The following NCAM1 variants were observed in gnomAD, a reference collection of about 807,000 sequenced individuals.
NCAM1 encodes the protein antigen recognized by monoclonal antibody 5.1H11.
Under a neutral mutation model 109.8 loss-of-function variants are expected in NCAM1, and 14 were observed. The ratio of observed to expected loss-of-function variants is 0.13; its 90% CI spans 0.08 to 0.20. NCAM1 has a LOEUF of 0.20. NCAM1 is among the 10% of genes least tolerant of loss of function. NCAM1 has a pLI of 1.00. For missense variants in NCAM1, 774 were observed against 1,109.9 expected (o/e 0.70, Z 4.30); for synonymous variants, 418 against 442.9 (o/e 0.94, Z 0.70).
At chr11:113,221,149 A>G (rs117460992) in intron 8 of NCAM1, 147 bp from the exon 9 acceptor site, 1 of 719,722 alleles carries the variant, frequency 1.4e-6, no homozygotes, top group Non-Finnish European at 2.3e-6. Context: ...TGTGTAATAA[A>G]CACACCATTG....
At chr11:113,226,747 G>A (rs551445562) in intron 9 of NCAM1, among the ~76,000 whole-genome samples, 187 of 152,188 alleles carry the variant, frequency 1.2e-3, no homozygotes, top group South Asian at 2.5e-3. Context: ...ACCACAGTGC[G>A]ATCAAACTAG....
chr11:113,164,840 A>C (rs1304140061), intron 1 of NCAM1, among the ~76,000 whole-genome samples: 2 of 151,782 alleles, frequency 1.3e-5, no homozygotes, highest in Non-Finnish European at 2.9e-5. Context: ...CAATCCTTCC[A>C]CCCTTCTCAA....
Position 113,264,169 on chromosome 11 carries a change from ATTCTAC to A in NCAM1, c.2131+3847_2131+3852del, listed in dbSNP as rs1555123966. The A allele has an allele frequency of 5.1e-6, 5 of 985,104 alleles. No individual in the cohort carries two copies. In the African/African-American group the frequency reaches 8.7e-5, roughly 17 times the overall value. 61.0% of individuals were successfully genotyped at this position (985,104 alleles called of 1,614,324 possible). On this transcript the variant is annotated intron_variant, in intron 17 of 19. Transcript: ENST00000316851. Reference sequence around the variant, plus strand: ...CCTCCCCCCATTGTGGTCACATATCATTCTACATATCTCATCTCTGAGCATCTCCAT... The same window carrying A: ...CCTCCCCCCATTGTGGTCACATATCAATATCTCATCTCTGAGCATCTCCAT...
chr11:113,056,008 T>TATAG (rs1953695355), intron 1 of NCAM1, among the ~76,000 whole-genome samples: 1 of 120,066 alleles, frequency 8.3e-6, no homozygotes, highest in Non-Finnish European at 1.7e-5. Flanking sequence ...TATATATATA[T>TATAG]ATATATATAT....
intron 17 of NCAM1, chr11:113,269,552 G>C (rs1318229497): frequency 6.5e-6 from 1 of 153,528 alleles, no homozygotes; most frequent in Non-Finnish European, 1.4e-5. Flanking sequence ...CCATGTCTCT[G>C]GAGTCACCCA....
chr11:113,197,284 TG>T, intron 1 of NCAM1: 1 of 175,298 alleles, frequency 5.7e-6, no homozygotes, highest in Non-Finnish European at 1.3e-5. Flanking sequence ...CTTATGCTCC[TG>T]GTCTCAGTAT....
intron 1 of NCAM1, among the ~76,000 whole-genome samples, chr11:112,997,885 T>C (rs371185161): frequency 2.0e-5 from 3 of 152,214 alleles, no homozygotes; most frequent in African/African-American, 7.2e-5. Flanking sequence ...TCTCTTCTTA[T>C]GAAAGCCTAA....
chr11:113,236,028 A>C (rs1305446948), intron 14 of NCAM1, among the ~76,000 whole-genome samples: 1 of 152,134 alleles, frequency 6.6e-6, no homozygotes, highest in African/African-American at 2.4e-5. Flanking sequence ...TTTAAAATGC[A>C]CCTGGGAGAA....
At chr11:113,049,729 C>G (rs782193458) in intron 1 of NCAM1, among the ~76,000 whole-genome samples, 19 of 152,152 alleles carry the variant, frequency 1.2e-4, no homozygotes, top group Non-Finnish European at 2.2e-4. Context: ...TAACAGAAGG[C>G]CCCCCAACCT....
intron 1 of NCAM1, among the ~76,000 whole-genome samples, chr11:113,078,061 C>T (rs552696806): frequency 1.3e-5 from 2 of 152,282 alleles, no homozygotes; most frequent in African/African-American, 4.8e-5. Flanking sequence ...TTAGTACGAT[C>T]TTGGTGGCTT....
intron 1 of NCAM1, among the ~76,000 whole-genome samples, chr11:113,062,581 TG>T (rs1296662050): frequency 1.3e-5 from 2 of 151,552 alleles, no homozygotes; most frequent in African/African-American, 4.9e-5. Flanking sequence ...CATCAAAGAG[TG>T]TGCCAAGCAG....
Position 113,255,862 on chromosome 11 carries a change from A to T in NCAM1, c.1829-15A>T. ...TGTGGATGAGAATTTCATGTGAATTAACTGGCTGTTTCAGGGGAACCCAGT... is the reference window on the plus strand; with the variant it reads ...TGTGGATGAGAATTTCATGTGAATTTACTGGCTGTTTCAGGGGAACCCAGT... On this transcript the variant is annotated splice_polypyrimidine_tract_variant and intron_variant, in intron 15 of 19. Coordinates refer to ENST00000316851, the MANE Select transcript of NCAM1 (RefSeq NM_181351.5). The T allele has an allele frequency of 1.2e-6, 2 of 1,612,064 alleles. No individual in the cohort carries two copies.
At chr11:113,064,810 T>C (rs1168774736) in intron 1 of NCAM1, among the ~76,000 whole-genome samples, 2 of 152,240 alleles carry the variant, frequency 1.3e-5, no homozygotes, top group Non-Finnish European at 2.9e-5. Flanking sequence ...AACTTAAAGG[T>C]GTTAATTTTT....
intron 1 of NCAM1, among the ~76,000 whole-genome samples, chr11:113,061,029 G>C (rs889068430): frequency 6.6e-6 from 1 of 152,074 alleles, no homozygotes; most frequent in Non-Finnish European, 1.5e-5. Context: ...TTATGTATCT[G>C]GCATAACTTG....
intron 1 of NCAM1, among the ~76,000 whole-genome samples, chr11:113,084,737 T>A (rs1938999721): frequency 2.0e-5 from 3 of 152,224 alleles, no homozygotes; most frequent in African/African-American, 7.2e-5. Flanking sequence ...GCATTGTGGC[T>A]GAGAGCATGG....
At chr11:113,133,496 T>A (rs1390088239) in intron 1 of NCAM1, 1 of 152,224 alleles carries the variant, frequency 6.6e-6, no homozygotes, top group Non-Finnish European at 1.5e-5. Context: ...CACCAACTTA[T>A]ATAACATGCA....
intron 1 of NCAM1, among the ~76,000 whole-genome samples, chr11:113,154,287 A>G (rs1942336453): frequency 6.6e-6 from 1 of 152,210 alleles, no homozygotes. Context: ...GTTAAGAGAA[A>G]TAAGAATTTT....
chr11:113,012,743 T>C (rs1555074712), intron 1 of NCAM1, among the ~76,000 whole-genome samples: 2 of 152,138 alleles, frequency 1.3e-5, no homozygotes, highest in Non-Finnish European at 2.9e-5. Flanking sequence ...AGTCATTGAG[T>C]TTAGTCCCCA....
chr11:113,215,147 G>A (rs1417044013), intron 8 of NCAM1, among the ~76,000 whole-genome samples: 6 of 152,118 alleles, frequency 3.9e-5, no homozygotes, highest in Admixed American at 6.6e-5. Context: ...TTAAAATGGC[G>A]GGAAAGATTG....
Sources: allele counts gnomAD v4.1 joint callset (sites outside exome capture counted in the v4.1 genomes callset), GRCh38; gene constraint gnomAD v4.1.1; transcripts MANE v1.5; gene names NCBI Gene and HGNC (gene_info 2026-07-23, HGNC 2026-07-21).